DUSP26: variants seen among roughly 807,000 people sequenced by gnomAD.
DUSP26 encodes the protein dual specificity phosphatase 26.
In DUSP26, 12 loss-of-function variants were observed where a neutral mutation model predicts 20.0. The ratio of observed to expected loss-of-function variants is 0.60; its 90% CI spans 0.38 to 0.97. The LOEUF is 0.97. Among genes scored for constraint, DUSP26 ranks in the 50% least tolerant of loss-of-function variants. The probability of loss-of-function intolerance (pLI) is 0.00; values close to 1 mark genes in which losing one functional copy is unlikely to be tolerated. For missense variants in DUSP26, 230 were observed against 294.0 expected (o/e 0.78, Z 1.59); for synonymous variants, 120 against 118.8 (o/e 1.01, Z -0.06).
intron 1 of DUSP26, among the ~76,000 whole-genome samples, chr8:33,598,023 C>T (rs78793676): frequency 6.6e-5 from 10 of 152,024 alleles, no homozygotes; most frequent in East Asian, 1.9e-4. Context: ...GTTGGGGGTA[C>T]CTTTAGACCC....
chr8:33,597,816 G>A (rs540421195), intron 1 of DUSP26: 5 of 302,130 alleles, frequency 1.7e-5, no homozygotes, highest in East Asian at 7.3e-5. Context: ...CCTTGTTTAC[G>A]GGGAGAGGGA....
At chr8:33,599,169 T>C (rs1811215350) in intron 1 of DUSP26, among the ~76,000 whole-genome samples, 1 of 152,036 alleles carries the variant, frequency 6.6e-6, no homozygotes, top group Non-Finnish European at 1.5e-5. Flanking sequence ...ACCATCACTA[T>C]CACCATCATC....
Position 33,591,845 on chromosome 8 carries a change from C to T in DUSP26, c.*168G>A. 1.3e-6 allele frequency: 1 copy of T among 771,382 alleles called. No individual in the cohort carries two copies. The highest frequency in any genetic ancestry group is 1.9e-5 in the South Asian group (1 of 53,976). The allele number at this position is 771,382 out of a possible 1,614,324, so 47.8% of individuals were successfully genotyped here. A position where few individuals can be genotyped will look rare whatever the true frequency, so the allele number is the denominator to read the frequency against. ...TCCACCACACTGCCCAACCTCACTC[C>T]CCGTCCCCTCCCACAAAGAGTGACA... On this transcript the variant is annotated 3_prime_UTR_variant, in exon 4 of 4. Coordinates refer to ENST00000256261, the MANE Select transcript of DUSP26 (RefSeq NM_024025.3).
rs1359887187 is a variant in DUSP26, at chr8:33,597,323, C to T, written c.193G>A (p.Val65Ile). 6.2e-7 allele frequency: 1 copy of T among 1,613,340 alleles called. No individual in the cohort carries two copies. The highest frequency in any genetic ancestry group is 8.5e-7 in the Non-Finnish European group (1 of 1,179,864). The stretch of plus-strand genomic sequence containing the variant: ...TCTCCGAGATAGAGGCCTGGCCAGA[C>T]CTCGTCGGCATGGTTACAGGCTGTC... ...GKTACNHADEVWPGLYLGDQD... is the reference protein window; with the variant it reads ...GKTACNHADEIWPGLYLGDQD... Residue 65 changes from valine (V) to isoleucine (I), a missense_variant, in exon 2 of 4, where the codon GTC (valine) becomes ATC (isoleucine). Coordinates refer to ENST00000256261, the MANE Select transcript of DUSP26 (RefSeq NM_024025.3).
chr8:33,598,641 G>A (rs1811205562), intron 1 of DUSP26, among the ~76,000 whole-genome samples: 1 of 152,124 alleles, frequency 6.6e-6, no homozygotes, highest in African/African-American at 2.4e-5. Context: ...CAATAACGAG[G>A]GGCTTAGCAG....
intron 2 of DUSP26, among the ~76,000 whole-genome samples, chr8:33,594,318 C>T (rs537023371): frequency 3.3e-5 from 5 of 151,762 alleles, no homozygotes; most frequent in East Asian, 2.0e-4. Flanking sequence ...TGCGGCCGGG[C>T]GCGGTGGCTC....
chr8:33,597,628 G>A, intron 1 of DUSP26, 37 bp from the exon 2 acceptor site: 2 of 853,650 alleles, frequency 2.3e-6, no homozygotes, highest in Non-Finnish European at 3.6e-6. Context: ...ACTTGAGTGA[G>A]TCCAGAGCAG....
rs1312388458 is a variant in DUSP26 at position 33,595,377 on chromosome 8, T to TTG, written c.222-1631_222-1630insCA. On this transcript the variant is annotated intron_variant, in intron 2 of 3. Transcript: ENST00000256261. The stretch of plus-strand genomic sequence containing the variant: ...TTTTTTTTTGTTGTTGTTGTTGTTG[T>TTG]TTGTTTTTTTTTTTGAGATGGTGTC... Among the ~76,000 whole-genome samples, 9 of 149,552 alleles carry TTG rather than the reference T, an allele frequency of 6.0e-5. No individual in the cohort carries two copies. In the East Asian group the frequency reaches 1.2e-3, roughly 19 times the overall value.
intron 2 of DUSP26, among the ~76,000 whole-genome samples, chr8:33,596,580 C>CAA (rs111494053): frequency 1.3e-5 from 2 of 149,136 alleles, no homozygotes; most frequent in Admixed American, 6.7e-5. Context: ...ATACTGTCTC[C>CAA]AAAAAAAAAT....
chr8:33,594,650 T>C (rs1487965720), intron 2 of DUSP26, among the ~76,000 whole-genome samples: 1 of 151,638 alleles, frequency 6.6e-6, no homozygotes, highest in African/African-American at 2.4e-5. Flanking sequence ...ATTGAGATTG[T>C]CTTGGATCTG....
intron 1 of DUSP26, among the ~76,000 whole-genome samples, chr8:33,598,984 C>T (rs904855865): frequency 2.0e-5 from 3 of 152,152 alleles, no homozygotes; most frequent in African/African-American, 7.2e-5. Flanking sequence ...AGAAACCAAG[C>T]ACTTACAAGG....
In DUSP26 at chr8:33,593,638, T is replaced by C; in HGVS notation, c.331A>G (p.Ile111Val). The change falls in exon 3 of 4, where the codon ATC (isoleucine) becomes GTC (valine). Residue 111 changes from isoleucine (I) to valine (V), a missense_variant. Coordinates refer to ENST00000256261, the MANE Select transcript of DUSP26 (RefSeq NM_024025.3). ...GTPEAYEGLG[I>V]RYLGVEAHDS... ...TGGGCCTCAACACCCAGGTAGCGGATGCCCAGCCCCTCATAGGCCTCGGGC... is the reference window on the plus strand; with the variant it reads ...TGGGCCTCAACACCCAGGTAGCGGACGCCCAGCCCCTCATAGGCCTCGGGC... 1 of 1,614,204 alleles carries C rather than the reference T, an allele frequency of 6.2e-7. No individual in the cohort carries two copies. Among genetic ancestry groups the C allele is most frequent in the South Asian group, 1.1e-5 (1 of 91,088 alleles).
At position 33,597,481 on chromosome 8, in the gene DUSP26, G is replaced by C; in HGVS notation, c.35C>G (p.Thr12Ser). Residue 12 changes from threonine (T) to serine (S), a missense_variant, in exon 2 of 4, where the codon ACT becomes AGT. Physicochemically the swap from Thr to Ser is moderately conservative, Grantham distance 58 (BLOSUM62 1). Transcript: ENST00000256261. ...ACTCCGGGAGAAGCGGGCCATAAAA[G>C]TCATAGAAGCCCAAAGCCAGTTACC... ...CPGNWLWASMTFMARFSRSSS... is the reference protein window; with the variant it reads ...CPGNWLWASMSFMARFSRSSS... 6.2e-7 allele frequency: 1 copy of C among 1,613,846 alleles called. No individual in the cohort carries two copies. The highest frequency in any genetic ancestry group is 8.5e-7 in the Non-Finnish European group (1 of 1,179,916).
chr8:33,595,380 GT>G (rs534229413), intron 2 of DUSP26, among the ~76,000 whole-genome samples: 71 of 143,510 alleles, frequency 4.9e-4, no homozygotes, highest in Admixed American at 2.9e-3. Context: ...GTTGTTGTTT[GT>G]TTTTTTTTTT....
At position 33,591,898 on chromosome 8, in the gene DUSP26, C is replaced by T; in HGVS notation, c.*115G>A. 7.9e-7 allele frequency: 1 copy of T among 1,260,084 alleles called. No individual in the cohort carries two copies. Among genetic ancestry groups the T allele is most frequent in the Non-Finnish European group, 1.1e-6 (1 of 906,556 alleles). The allele number at this position is 1,260,084 out of a possible 1,614,324, so 78.1% of individuals were successfully genotyped here. On this transcript the variant is annotated 3_prime_UTR_variant, in exon 4 of 4. Transcript: ENST00000256261. ...GGCCTGGGGCTCGGCCTCTCCTGAC[C>T]CCAGGGGAGGATGGGTGATCTGGGC...
chr8:33,593,945 G>A (rs1354332992), intron 2 of DUSP26, among the ~76,000 whole-genome samples, 198 bp from the exon 3 acceptor site: 5 of 151,980 alleles, frequency 3.3e-5, no homozygotes, highest in East Asian at 1.9e-4. Context: ...TCAGCCTCCC[G>A]GGTAGCTGGG....
chr8:33,591,836 A>T lies in DUSP26; in HGVS notation c.*177T>A. The T allele has an allele frequency of 1.4e-6, 1 of 720,148 alleles. No homozygotes were observed. The highest frequency in any genetic ancestry group is 2.2e-6 in the Non-Finnish European group (1 of 449,498). 44.6% of individuals were successfully genotyped at this position (720,148 alleles called of 1,614,324 possible). ...GGGTGCCCATCCACCACACTGCCCA[A>T]CCTCACTCCCCGTCCCCTCCCACAA... On this transcript the variant is annotated 3_prime_UTR_variant, in exon 4 of 4. Transcript: ENST00000256261.
chr8:33,598,150 G>C (rs1477578160), intron 1 of DUSP26, among the ~76,000 whole-genome samples: 1 of 151,596 alleles, frequency 6.6e-6, no homozygotes, highest in African/African-American at 2.4e-5. Context: ...CTGCCTCAGA[G>C]ATAAACCTGC....
chr8:33,594,911 A>T (rs1811107374), intron 2 of DUSP26, among the ~76,000 whole-genome samples: 1 of 151,848 alleles, frequency 6.6e-6, no homozygotes, highest in African/African-American at 2.4e-5. Context: ...TTTAGTAGAG[A>T]TGGGATTTCA....
Sources: allele counts gnomAD v4.1 joint callset (sites outside exome capture counted in the v4.1 genomes callset), GRCh38; gene constraint gnomAD v4.1.1; transcripts MANE v1.5; gene names NCBI Gene and HGNC (gene_info 2026-07-23, HGNC 2026-07-21).